Variants in RERE observed in about 807,000 individuals in gnomAD.
RERE encodes the protein arginine-glutamic acid dipeptide repeats protein.
RERE carries 40 observed loss-of-function variants against 146.1 expected under a neutral mutation model. The observed-to-expected ratio is 0.27, with a 90% confidence interval of 0.21 to 0.36. The LOEUF is 0.36. RERE is among the 10% of genes least tolerant of loss of function. The pLI, the probability that RERE is intolerant of heterozygous loss-of-function variation, is 1.00. For missense variants in RERE, 1,933 were observed against 2,138.7 expected, an observed-to-expected ratio of 0.90 and a Z score of 1.90; for synonymous variants, 1,003 against 866.0, an observed-to-expected ratio of 1.16 and a Z score of -2.78.
intron 10 of RERE, among the ~76,000 whole-genome samples, chr1:8,471,764 T>TA (rs773482298): frequency 1.2e-4 from 18 of 152,152 alleles, no homozygotes; most frequent in Admixed American, 3.3e-4. Context: ...TCTTCCTGTC[T>TA]AGACCTCCTG....
chr1:8,697,748 C>T (rs1268363960), intron 1 of RERE, among the ~76,000 whole-genome samples: 1 of 152,158 alleles, frequency 6.6e-6, no homozygotes, highest in African/African-American at 2.4e-5. Context: ...CTATGTTTTA[C>T]ATGTAACTTA....
intron 10 of RERE, among the ~76,000 whole-genome samples, chr1:8,474,448 T>A (rs1210849482): frequency 2.0e-5 from 3 of 152,228 alleles, no homozygotes; most frequent in East Asian, 3.8e-4. Flanking sequence ...CTCATTAATA[T>A]TACAGCAGTC....
chr1:8,378,789 T>A (rs1642348985), intron 12 of RERE, among the ~76,000 whole-genome samples: 1 of 152,112 alleles, frequency 6.6e-6, no homozygotes, highest in Non-Finnish European at 1.5e-5. Flanking sequence ...GGACAGGGCT[T>A]CATGGTGAGC....
chr1:8,506,841 A>C (rs1421275715), intron 8 of RERE, among the ~76,000 whole-genome samples: 1 of 152,230 alleles, frequency 6.6e-6, no homozygotes, highest in Non-Finnish European at 1.5e-5. Context: ...GTGCACTGAG[A>C]AAGGATAAAA....
intron 12 of RERE, among the ~76,000 whole-genome samples, chr1:8,420,511 C>T (rs1402175577): frequency 1.3e-5 from 2 of 152,114 alleles, no homozygotes; most frequent in Non-Finnish European, 2.9e-5. Flanking sequence ...ATGTTGATAA[C>T]TAGAGAAAAT....
At chr1:8,556,255 T>C (rs934465303) in intron 6 of RERE, among the ~76,000 whole-genome samples, 34 of 143,886 alleles carry the variant, frequency 2.4e-4, no homozygotes, top group Non-Finnish European at 4.4e-4. Flanking sequence ...AAGTAAATTA[T>C]CAAAAAAAAA....
chr1:8,418,281 G>A (rs1643833146), intron 12 of RERE, among the ~76,000 whole-genome samples: 1 of 152,216 alleles, frequency 6.6e-6, no homozygotes, highest in African/African-American at 2.4e-5. Flanking sequence ...CACCAACTGG[G>A]ATTACAAATG....
intron 1 of RERE, among the ~76,000 whole-genome samples, chr1:8,723,375 T>C (rs951887121): frequency 3.3e-5 from 5 of 152,062 alleles, no homozygotes; most frequent in Non-Finnish European, 5.9e-5. Context: ...AAACAGAACA[T>C]AGGCACAACC....
In RERE at chr1:8,805,008, G is replaced by GT. The variant is rs1186832596; in HGVS notation, c.-145+12151dup. On this transcript the variant is annotated intron_variant, in intron 1 of 22. Transcript: ENST00000400908. The stretch of plus-strand genomic sequence containing the variant: ...TTTTTTTTGTTTTGTTTTGTTTTTG[G>GT]TTTTTTTTTTTTTTTTTTTTGAGAC... Among the ~76,000 whole-genome samples, 666 of 77,780 alleles carry GT rather than the reference G, an allele frequency of 8.6e-3. 23 individuals carry two copies. The highest frequency in any genetic ancestry group is 0.026 in the South Asian group (64 of 2,426). 51.0% of individuals were successfully genotyped at this position (77,780 alleles called of 152,430 possible). A position where few individuals can be genotyped will look rare whatever the true frequency, so the allele number is the denominator to read the frequency against.
At chr1:8,574,562 C>T (rs577425046) in intron 4 of RERE, among the ~76,000 whole-genome samples, 18 of 151,950 alleles carry the variant, frequency 1.2e-4, no homozygotes, top group South Asian at 4.2e-4. Context: ...TTAGCCAGGA[C>T]GGTCTCAATC....
chr1:8,759,488 C>A (rs1481273079), intron 1 of RERE, among the ~76,000 whole-genome samples: 1 of 152,190 alleles, frequency 6.6e-6, no homozygotes, highest in East Asian at 1.9e-4. Flanking sequence ...ACTGCAGTTA[C>A]TTTAGAAAAG....
chr1:8,501,312 C>T lies in RERE; in HGVS notation c.880-3783G>A, dbSNP rs1481028540. Among the ~76,000 whole-genome samples the T allele has an allele frequency of 3.3e-5, 4 of 119,910 alleles. No homozygotes were observed. In the South Asian group the frequency reaches 8.0e-4, roughly 24 times the overall value. The allele number at this position is 119,910 out of a possible 152,430, so 78.7% of individuals were successfully genotyped here. On this transcript the variant is annotated intron_variant, in intron 8 of 22. Coordinates refer to ENST00000400908, the MANE Select transcript of RERE (RefSeq NM_001042681.2). ...GTGAGGACCCCTCTGCCCGGCCAGC[C>T]GCCCCGTCCGGGAGGGAGGTGGGGG...
At chr1:8,498,959 C>T (rs1645091227) in intron 8 of RERE, among the ~76,000 whole-genome samples, 1 of 151,880 alleles carries the variant, frequency 6.6e-6, no homozygotes. Context: ...ATAGAGTATA[C>T]CTCAATAAAA....
intron 8 of RERE, among the ~76,000 whole-genome samples, chr1:8,503,592 A>C (rs1645210599): frequency 6.6e-6 from 1 of 152,236 alleles, no homozygotes; most frequent in South Asian, 2.1e-4. Context: ...TGAGGAGAAC[A>C]CAAGAATATA....
intron 1 of RERE, among the ~76,000 whole-genome samples, chr1:8,730,978 C>G (rs1187369707): frequency 2.6e-5 from 4 of 152,092 alleles, no homozygotes; most frequent in African/African-American, 9.7e-5. Context: ...AAATCAATGG[C>G]CTTTCTTAGA....
intron 7 of RERE, among the ~76,000 whole-genome samples, chr1:8,539,091 GCT>G (rs1645764741): frequency 2.0e-5 from 3 of 152,310 alleles, no homozygotes; most frequent in African/African-American, 7.2e-5. Context: ...AAAGACAAAA[GCT>G]ACTTTAGTTA....
chr1:8,375,042 G>A (rs1339192170), intron 12 of RERE, among the ~76,000 whole-genome samples: 1 of 152,158 alleles, frequency 6.6e-6, no homozygotes, highest in East Asian at 1.9e-4. Flanking sequence ...TCCCGCCTCT[G>A]TGCTGGCACA....
At chr1:8,686,477 C>T (rs1324525489) in intron 1 of RERE, among the ~76,000 whole-genome samples, 2 of 152,112 alleles carry the variant, frequency 1.3e-5, no homozygotes, top group Non-Finnish European at 2.9e-5. Flanking sequence ...TAGCCGGGCA[C>T]GGTGGCTCAT....
intron 7 of RERE, among the ~76,000 whole-genome samples, chr1:8,518,920 A>G (rs1388370601): frequency 6.6e-6 from 1 of 152,200 alleles, no homozygotes; most frequent in Non-Finnish European, 1.5e-5. Flanking sequence ...TCCTTAAGAA[A>G]CAGCAATAAA....
Sources: allele counts gnomAD v4.1 joint callset (sites outside exome capture counted in the v4.1 genomes callset), GRCh38; gene constraint gnomAD v4.1.1; transcripts MANE v1.5; gene names NCBI Gene and HGNC (gene_info 2026-07-23, HGNC 2026-07-21).